Variants in FTO observed in about 807,000 individuals in gnomAD.
FTO encodes alpha-ketoglutarate-dependent dioxygenase FTO.
FTO carries 47 observed loss-of-function variants against 63.9 expected under a neutral mutation model. The observed-to-expected ratio is 0.74, with a 90% CI of 0.58 to 0.94. The LOEUF is 0.94. Ranked by LOEUF, FTO falls within the 40% of genes least tolerant of loss-of-function variation. The pLI is 0.00. For synonymous variants in FTO, 207 were observed against 224.4 expected, an observed-to-expected ratio of 0.92 and a Z score of 0.69; for missense variants, 562 against 618.1, an observed-to-expected ratio of 0.91 and a Z score of 0.96.
At position 54,065,402 on chromosome 16, in the gene FTO, G is replaced by A. The variant is rs116486162; in HGVS notation, c.1365-46360G>A. On this transcript the variant is annotated intron_variant, in intron 8 of 8. Coordinates refer to ENST00000471389, the MANE Select transcript of FTO (RefSeq NM_001080432.3). Reference sequence around the variant, plus strand: ...TGGTCTCGAACTCCTGGACTCAAGCGTTCCACTCACCTTGGCCTCCCAAAG... The same window carrying A: ...TGGTCTCGAACTCCTGGACTCAAGCATTCCACTCACCTTGGCCTCCCAAAG... 4.4e-3 allele frequency among the ~76,000 whole-genome samples: 670 copies of A among 152,074 alleles called. 8 individuals are homozygous for A. The highest frequency in any genetic ancestry group is 0.015 in the African/African-American group (632 of 41,494).
chr16:53,864,208 A>C (rs916186366), intron 4 of FTO, among the ~76,000 whole-genome samples: 3 of 152,194 alleles, frequency 2.0e-5, no homozygotes, highest in Admixed American at 6.5e-5. Context: ...TGATTGTTTG[A>C]AGCTGGGAAG....
At chr16:53,761,094 T>G (rs2077057481) in intron 1 of FTO, among the ~76,000 whole-genome samples, 1 of 151,736 alleles carries the variant, frequency 6.6e-6, no homozygotes, top group Non-Finnish European at 1.5e-5. Flanking sequence ...TTCTTCCTTT[T>G]CTTTCTTTTC....
rs372844774 is a variant in FTO at position 53,886,592 on chromosome 16, C to A, written c.1120-2240C>A. Reference sequence around the variant, plus strand: ...TAATAGCACAGATAAGTTTTAGCAACTGTTGTTTTAATATTGTCTACATTC... The same window carrying A: ...TAATAGCACAGATAAGTTTTAGCAAATGTTGTTTTAATATTGTCTACATTC... On this transcript the variant is annotated intron_variant, in intron 6 of 8. Transcript: ENST00000471389. 4.6e-5 allele frequency among the ~76,000 whole-genome samples: 7 copies of A among 152,314 alleles called. No individual in the cohort carries two copies. The South Asian group carries it at 6.2e-4, about 14-fold the overall frequency.
At chr16:53,710,267 T>C (rs1174709640) in intron 1 of FTO, among the ~76,000 whole-genome samples, 1 of 135,442 alleles carries the variant, frequency 7.4e-6, no homozygotes, top group Admixed American at 7.5e-5. Context: ...AGATTTTGCC[T>C]TTTTTTTTTT....
At position 54,117,663 on chromosome 16, in the gene FTO, TG is replaced by T. The variant is rs376823685; in HGVS notation, c.*5750del. 48 of 152,344 alleles carry T rather than the reference TG, an allele frequency of 3.2e-4. No homozygotes were observed. Among genetic ancestry groups the T allele is most frequent in the Admixed American group, 1.0e-3 (16 of 15,302 alleles). 9.4% of individuals were successfully genotyped at this position (152,344 alleles called of 1,614,324 possible). ...CAGCTTCCATTTTTCGCTAGGCGGATGGCATGGAACTTTTTATAAATGAGAT... is the reference window on the plus strand; with the variant it reads ...CAGCTTCCATTTTTCGCTAGGCGGATGCATGGAACTTTTTATAAATGAGAT... On this transcript the variant is annotated 3_prime_UTR_variant, in exon 9 of 9. Transcript: ENST00000471389.
In FTO at chr16:54,019,331, A is replaced by C. The variant is rs548612337; in HGVS notation, c.1364+85222A>C. ...AGTGCTGAATACCTGAATAAAATAG[A>C]TTCTGTTAACAAGGAAGAAGGTGGG... On this transcript the variant is annotated intron_variant, in intron 8 of 8. Transcript: ENST00000471389. 2.6e-5 allele frequency among the ~76,000 whole-genome samples: 4 copies of C among 152,328 alleles called. No individual in the cohort carries two copies. In the East Asian group the frequency reaches 7.7e-4, roughly 29 times the overall value.
chr16:53,766,406 C>T (rs988321272), intron 1 of FTO, among the ~76,000 whole-genome samples: 2 of 151,984 alleles, frequency 1.3e-5, no homozygotes, highest in South Asian at 2.1e-4. Context: ...TTTCGTTATC[C>T]GTGAAGATGC....
intron 7 of FTO, among the ~76,000 whole-genome samples, chr16:53,915,590 T>C (rs2081844380): frequency 6.6e-6 from 1 of 152,300 alleles, no homozygotes; most frequent in South Asian, 2.1e-4. Context: ...AATGTGAGCC[T>C]CCAACATGAA....
intron 1 of FTO, among the ~76,000 whole-genome samples, chr16:53,755,562 A>G (rs920993841): frequency 1.3e-5 from 2 of 152,194 alleles, no homozygotes; most frequent in African/African-American, 2.4e-5. Flanking sequence ...ATCATCAATC[A>G]TTTCTAGTTT....
At chr16:53,711,208 A>G (rs2075766066) in intron 1 of FTO, among the ~76,000 whole-genome samples, 1 of 152,050 alleles carries the variant, frequency 6.6e-6, no homozygotes, top group Non-Finnish European at 1.5e-5. Context: ...TTTATTCTGT[A>G]AACTTATGTT....
intron 8 of FTO, among the ~76,000 whole-genome samples, chr16:53,962,608 A>G (rs955549813): frequency 6.6e-6 from 1 of 152,228 alleles, no homozygotes. Flanking sequence ...TGCGTCCTGC[A>G]TAAGTGCTTT....
intron 8 of FTO, chr16:54,070,183 C>T (rs2085833632): frequency 6.6e-6 from 1 of 151,984 alleles, no homozygotes; most frequent in Non-Finnish European, 1.5e-5. Context: ...GAGAATTAGC[C>T]TAAACACAGT....
At chr16:54,085,460 A>G (rs2086237576) in intron 8 of FTO, among the ~76,000 whole-genome samples, 1 of 152,098 alleles carries the variant, frequency 6.6e-6, no homozygotes, top group South Asian at 2.1e-4. Flanking sequence ...ACATTCCATT[A>G]TCTAGATCTT....
rs372114234 is a variant in FTO at position 53,824,611 on chromosome 16, G to T, written c.124-1253G>T. 2.0e-5 allele frequency among the ~76,000 whole-genome samples: 3 copies of T among 146,446 alleles called. No homozygotes were observed. In the East Asian group the frequency reaches 5.9e-4, roughly 29 times the overall value. On this transcript the variant is annotated intron_variant, in intron 2 of 8. Coordinates refer to ENST00000471389, the MANE Select transcript of FTO (RefSeq NM_001080432.3). ...GGTGCTCAATAAACAGATGCTGCAT[G>T]AAAAAAAAAACGTTTGGAAGAATAC...
intron 8 of FTO, among the ~76,000 whole-genome samples, chr16:54,010,080 G>C (rs2084302175): frequency 6.6e-6 from 1 of 152,120 alleles, no homozygotes; most frequent in African/African-American, 2.4e-5. Flanking sequence ...GCTCTAATAG[G>C]TCCTTTTAGT....
At chr16:53,792,743 G>A (rs1387059332) in intron 1 of FTO, among the ~76,000 whole-genome samples, 1 of 152,168 alleles carries the variant, frequency 6.6e-6, no homozygotes, top group African/African-American at 2.4e-5. Context: ...AGGGTGGAAA[G>A]TATGCTGCAA....
intron 7 of FTO, among the ~76,000 whole-genome samples, chr16:53,919,479 A>T (rs1476164652): frequency 6.6e-6 from 1 of 152,162 alleles, no homozygotes; most frequent in Non-Finnish European, 1.5e-5. Flanking sequence ...CTGGGTGTCT[A>T]CCCAAAGGAA....
chr16:53,977,997 C>T (rs1483385913), intron 8 of FTO, among the ~76,000 whole-genome samples: 9 of 152,146 alleles, frequency 5.9e-5, no homozygotes, highest in Admixed American at 5.2e-4. Context: ...GCAAGTACTA[C>T]AGGCATGCAC....
rs60644334 is a variant in FTO at position 53,791,245 on chromosome 16, G to T, written c.46-18895G>T. ...CTGAAATTGCTCTTTAGGAAGTTTG[G>T]TGGGGAAAGAAAGGATGCAGATAGG... On this transcript the variant is annotated intron_variant, in intron 1 of 8. Coordinates refer to ENST00000471389, the MANE Select transcript of FTO (RefSeq NM_001080432.3). 5.0e-3 allele frequency among the ~76,000 whole-genome samples: 757 copies of T among 152,320 alleles called. 5 individuals carry two copies. The highest frequency in any genetic ancestry group is 0.017 in the African/African-American group (727 of 41,566).
Sources: allele counts gnomAD v4.1 joint callset (sites outside exome capture counted in the v4.1 genomes callset), GRCh38; gene constraint gnomAD v4.1.1; transcripts MANE v1.5; gene names NCBI Gene and HGNC (gene_info 2026-07-23, HGNC 2026-07-21).